Variants in NUGGC observed in about 807,000 individuals in gnomAD.
The protein encoded by NUGGC is nuclear GTPase SLIP-GC.
In NUGGC, 58 loss-of-function variants were observed where a neutral mutation model predicts 92.6. That is an observed-to-expected ratio of 0.63 (90% CI 0.51 to 0.78). The LOEUF is 0.78. Among genes scored for constraint, NUGGC ranks in the 30% least tolerant of loss-of-function variants. The pLI, the probability that NUGGC is intolerant of heterozygous loss-of-function variation, is 0.00. For synonymous variants in NUGGC, 376 were observed against 366.4 expected (o/e 1.03, Z -0.30); for missense variants, 925 against 964.6 (o/e 0.96, Z 0.54).
In NUGGC at chr8:28,029,232, G is replaced by A. The variant is rs375483912; in HGVS notation, c.2154+34C>T. The A allele has an allele frequency of 1.1e-3, 1,822 of 1,587,708 alleles. 2 individuals are homozygous for A. The highest frequency in any genetic ancestry group is 1.4e-3 in the Non-Finnish European group (1,691 of 1,166,260). On this transcript the variant is annotated intron_variant, in intron 17 of 18. Coordinates refer to ENST00000413272, the MANE Select transcript of NUGGC (RefSeq NM_001010906.2). ...TTCCTCTCCTCCCCCGGAGCCTCTC[G>A]GGGTCTAGGATCCAGGATGTGGGCA... is the stretch of plus-strand genomic sequence containing the variant.
intron 4 of NUGGC, 64 bp from the exon 5 acceptor site, chr8:28,068,502 C>T: frequency 1.7e-6 from 2 of 1,153,428 alleles, no homozygotes; most frequent in Admixed American, 2.0e-5. Context: ...AGCATTGAAA[C>T]AGAATGCAAA....
At chr8:28,035,689 C>A (rs2130099804) in intron 13 of NUGGC, among the ~76,000 whole-genome samples, 1 of 152,250 alleles carries the variant, frequency 6.6e-6, no homozygotes, top group East Asian at 1.9e-4. Context: ...CAGAAATCAG[C>A]CCTGATTCAA....
At chr8:28,073,660 G>A (rs1465418604) in intron 2 of NUGGC, among the ~76,000 whole-genome samples, 1 of 152,142 alleles carries the variant, frequency 6.6e-6, no homozygotes, top group Non-Finnish European at 1.5e-5. Context: ...CACCCGCACT[G>A]ACTCCAATGT....
At chr8:28,035,666 G>A (rs1349062721) in intron 13 of NUGGC, among the ~76,000 whole-genome samples, 2 of 152,152 alleles carry the variant, frequency 1.3e-5, no homozygotes, top group East Asian at 3.9e-4. Context: ...CACCTCTGCA[G>A]CATTCTCTTG....
chr8:28,074,719 A>T (rs1475112350), intron 1 of NUGGC, among the ~76,000 whole-genome samples: 5 of 152,334 alleles, frequency 3.3e-5, no homozygotes, highest in Non-Finnish European at 7.3e-5. Flanking sequence ...CGGGAGGATC[A>T]CTTGAGGTCA....
intron 1 of NUGGC, among the ~76,000 whole-genome samples, chr8:28,081,877 C>CA (rs1207659479): frequency 0.07 from 7,401 of 105,102 alleles, 234 homozygotes; most frequent in East Asian, 0.12. Context: ...GACTCCATCT[C>CA]AAAAAAAAAA....
chr8:28,080,888 G>T (rs548128314), intron 1 of NUGGC, among the ~76,000 whole-genome samples: 13 of 152,210 alleles, frequency 8.5e-5, no homozygotes, highest in African/African-American at 2.9e-4. Flanking sequence ...AAATTATTAG[G>T]GATTTGGAGT....
In NUGGC at chr8:28,056,181, TA is replaced by T. The variant is rs562676653; in HGVS notation, c.1117-128del. The T allele has an allele frequency of 8.1e-5, 48 of 595,126 alleles. No individual in the cohort carries two copies. In the African/African-American group the frequency reaches 8.5e-4, roughly 10 times the overall value. 36.9% of individuals were successfully genotyped at this position (595,126 alleles called of 1,614,324 possible). ...ACAGTCAAATATGCATGCACTGTATTAGAATTATACACAGTTGCCGGGCACG... is the reference window on the plus strand; with the variant it reads ...ACAGTCAAATATGCATGCACTGTATTGAATTATACACAGTTGCCGGGCACG... On this transcript the variant is annotated intron_variant, in intron 9 of 18. Transcript: ENST00000413272.
rs943402259 is a variant in NUGGC at position 28,059,820 on chromosome 8, A to C, written c.1097+606T>G. Among the ~76,000 whole-genome samples, 3 of 152,224 alleles carry C rather than the reference A, an allele frequency of 2.0e-5. No individual in the cohort carries two copies. In the East Asian group the frequency reaches 5.8e-4, roughly 29 times the overall value. ...GCAGATCACCTGAGGTCCGGAGTTC[A>C]AGACCACCCCGGCCAACATGGCGAA... On this transcript the variant is annotated intron_variant, in intron 8 of 18. Transcript: ENST00000413272.
chr8:28,031,360 T>C lies in NUGGC; in HGVS notation c.1791A>G (p.Ser597=), dbSNP rs780286891. Reference sequence around the variant, plus strand: ...AAGCATCTATGTGAGGCATCAGAGCTGAACCAGTGGGCTTCCCCGTCCTAC... The same window carrying C: ...AAGCATCTATGTGAGGCATCAGAGCCGAACCAGTGGGCTTCCCCGTCCTAC... ...SIFRTGKPTG[S]ALMPHIDAFK... The change falls in exon 15 of 19, where the codon TCA becomes TCG. Residue 597 remains serine (S), a synonymous_variant. Coordinates refer to ENST00000413272, the MANE Select transcript of NUGGC (RefSeq NM_001010906.2). The C allele has an allele frequency of 1.2e-6, 2 of 1,614,024 alleles. No individual in the cohort carries two copies. Among genetic ancestry groups the C allele is most frequent in the East Asian group, 2.2e-5 (1 of 44,888 alleles).
At chr8:28,025,764 T>C (rs1809243435) in intron 18 of NUGGC, among the ~76,000 whole-genome samples, 1 of 152,210 alleles carries the variant, frequency 6.6e-6, no homozygotes, top group African/African-American at 2.4e-5. Context: ...GGAACAGCTC[T>C]GTCTACTTTC....
At chr8:28,034,437 G>A (rs1451995540) in intron 13 of NUGGC, among the ~76,000 whole-genome samples, 1 of 152,146 alleles carries the variant, frequency 6.6e-6, no homozygotes, top group Non-Finnish European at 1.5e-5. Context: ...TGGCCACATA[G>A]CATTGTACAA....
intron 10 of NUGGC, among the ~76,000 whole-genome samples, chr8:28,051,394 G>A (rs1255770480): frequency 6.6e-6 from 1 of 152,082 alleles, no homozygotes; most frequent in Non-Finnish European, 1.5e-5. Flanking sequence ...CTAAAACTGA[G>A]TAAATAAAAT....
chr8:28,050,016 A>G (rs1185589810), intron 10 of NUGGC, among the ~76,000 whole-genome samples: 1 of 150,898 alleles, frequency 6.6e-6, no homozygotes, highest in African/African-American at 2.4e-5. Context: ...GAGCCTGGGA[A>G]GCAGAGGCTG....
chr8:28,054,956 G>T (rs533661256), intron 10 of NUGGC, among the ~76,000 whole-genome samples: 1 of 152,196 alleles, frequency 6.6e-6, no homozygotes, highest in Non-Finnish European at 1.5e-5. Context: ...GGAGGCCAAG[G>T]CAGGCAGATC....
At chr8:28,038,080 T>TC (rs542090046) in intron 13 of NUGGC, among the ~76,000 whole-genome samples, 1 of 152,094 alleles carries the variant, frequency 6.6e-6, no homozygotes. Flanking sequence ...ATTCAGCTCA[T>TC]CCCCCAGGCC....
rs368480850 is a variant in NUGGC, at chr8:28,064,656, T to A, written c.787A>T (p.Met263Leu). Reference protein sequence around the residue: ...RRDWDGEAAEMRIWPLIKHVE... With the variant: ...RRDWDGEAAELRIWPLIKHVE... The stretch of plus-strand genomic sequence containing the variant: ...TGTTTGATCAAGGGCCAGATGCGCA[T>A]CTCAGCGGCCTCTCCATCCCAATCT... The change falls in exon 7 of 19, where the codon ATG becomes TTG. Residue 263 changes from methionine to leucine, a missense_variant. By Grantham distance (15) the Met-to-Leu change is conservative. Transcript: ENST00000413272. The A allele has an allele frequency of 2.2e-5, 35 of 1,613,928 alleles. No homozygotes were observed. Among genetic ancestry groups the A allele is most frequent in the Non-Finnish European group, 2.8e-5 (33 of 1,179,902 alleles).
In NUGGC at chr8:28,040,925, A is replaced by G. The variant is rs557575037; in HGVS notation, c.1611+126T>C. 246 of 917,646 alleles carry G rather than the reference A, an allele frequency of 2.7e-4. 1 individual carries two copies. Among genetic ancestry groups the G allele is most frequent in the Admixed American group, 1.5e-3 (58 of 38,808 alleles). The allele number at this position is 917,646 out of a possible 1,614,324, so 56.8% of individuals were successfully genotyped here. On this transcript the variant is annotated intron_variant, in intron 13 of 18. Coordinates refer to ENST00000413272, the MANE Select transcript of NUGGC (RefSeq NM_001010906.2). ...CTCCCAAAGTGCTGGGATTACAGGCATGAGCCGCCATGCCCGGCCCGCTAA... is the reference window on the plus strand; with the variant it reads ...CTCCCAAAGTGCTGGGATTACAGGCGTGAGCCGCCATGCCCGGCCCGCTAA...
intron 11 of NUGGC, among the ~76,000 whole-genome samples, chr8:28,046,495 C>T (rs1809839383): frequency 6.6e-6 from 1 of 152,108 alleles, no homozygotes; most frequent in Admixed American, 6.6e-5. Context: ...ACAACTAAAC[C>T]TTATTTTTAC....
Sources: gnomAD v4.1 joint callset for allele counts (sites outside exome capture counted in the v4.1 genomes callset) on GRCh38, gnomAD v4.1.1 for gene constraint, MANE v1.5 for transcripts, NCBI Gene and HGNC (gene_info 2026-07-23, HGNC 2026-07-21) for gene names.